The following RPL11 variants were observed in gnomAD, a reference collection of about 807,000 sequenced individuals.
RPL11 encodes ribosomal protein L11.
RPL11 carries 3 observed loss-of-function variants against 24.1 expected under a neutral mutation model. That is an observed-to-expected ratio of 0.12 (90% CI 0.06 to 0.32). The LOEUF (loss-of-function observed/expected upper bound fraction) is 0.32, where lower values mean the gene tolerates loss of function less well. Ranked by LOEUF, RPL11 falls within the 10% of genes least tolerant of loss-of-function variation. RPL11 has a pLI of 1.00. For missense variants in RPL11, 146 were observed against 225.7 expected (o/e 0.65, Z 2.26); for synonymous variants, 96 against 75.7 (o/e 1.27, Z -1.39).
Position 23,696,793 on chromosome 1 carries a change from G to T in RPL11, c.*420G>T. On this transcript the variant is annotated 3_prime_UTR_variant, in exon 6 of 6. Coordinates refer to ENST00000643754, the MANE Select transcript of RPL11 (RefSeq NM_000975.5). ...ATTGATGCGTCATGAAGGAATGACA[G>T]GCTTTGGTGTGATGGTTGAGATTAA... 1 of 253,814 alleles carries T rather than the reference G, an allele frequency of 3.9e-6. No homozygotes were observed. 15.7% of individuals were successfully genotyped at this position (253,814 alleles called of 1,614,324 possible).
chr1:23,693,188 G>A (rs1008536038), intron 2 of RPL11, among the ~76,000 whole-genome samples: 1 of 152,188 alleles, frequency 6.6e-6, no homozygotes, highest in African/African-American at 2.4e-5. Flanking sequence ...GTTGTATACA[G>A]ATTGCCTGGG....
chr1:23,693,437 G>GATA (rs1306191599), intron 2 of RPL11, among the ~76,000 whole-genome samples: 5 of 152,186 alleles, frequency 3.3e-5, no homozygotes, highest in African/African-American at 1.2e-4. Context: ...GTAAAATATG[G>GATA]ATAACAGTAC....
intron 4 of RPL11, chr1:23,695,096 A>C (rs565611409): frequency 2.3e-6 from 1 of 426,368 alleles, no homozygotes; most frequent in East Asian, 5.2e-5. Flanking sequence ...CTTTGGAGAG[A>C]GGCAGTATTG....
intron 3 of RPL11, among the ~76,000 whole-genome samples, chr1:23,694,309 T>G (rs1233763001): frequency 6.6e-6 from 1 of 151,408 alleles, no homozygotes; most frequent in Non-Finnish European, 1.5e-5. Context: ...ACCTGGGAGG[T>G]AGAGGTTGCA....
chr1:23,696,387 TC>T lies in RPL11; in HGVS notation c.*16del. 1.2e-6 allele frequency: 2 copies of T among 1,612,864 alleles called. No individual in the cohort carries two copies. The stretch of plus-strand genomic sequence containing the variant: ...CCTGGCAAATAAATTCCCGTTTCTA[TC>T]CAAAAGAGCAATAAAAAGTTTTCAG... On this transcript the variant is annotated 3_prime_UTR_variant, in exon 6 of 6. Transcript: ENST00000643754.
chr1:23,694,002 G>T (rs144167773), intron 3 of RPL11, 89 bp downstream of exon 3: 45 of 982,892 alleles, frequency 4.6e-5, no homozygotes, highest in Non-Finnish European at 6.6e-5. Flanking sequence ...CTGTTCTTTG[G>T]TGTCTTGATA....
In RPL11 at chr1:23,696,497, G is replaced by A. The variant is rs1324243959; in HGVS notation, c.*124G>A. On this transcript the variant is annotated 3_prime_UTR_variant, in exon 6 of 6. Coordinates refer to ENST00000643754, the MANE Select transcript of RPL11 (RefSeq NM_000975.5). ...TGGACCTCAAGCCACTTAAAGCTTC[G>A]ATGGGAGTAGCTGGTAACAACCCCG... 17 of 913,620 alleles carry A rather than the reference G, an allele frequency of 1.9e-5. No homozygotes were observed. The highest frequency in any genetic ancestry group is 3.0e-5 in the Non-Finnish European group (17 of 560,858). The allele number at this position is 913,620 out of a possible 1,614,324, so 56.6% of individuals were successfully genotyped here.
At chr1:23,694,112 A>T (rs1279051066) in intron 3 of RPL11, among the ~76,000 whole-genome samples, 199 bp downstream of exon 3, 2 of 152,098 alleles carry the variant, frequency 1.3e-5, no homozygotes, top group Non-Finnish European at 2.9e-5. Context: ...CGGTGGCTCA[A>T]CGCCTGTAAT....
intron 1 of RPL11, chr1:23,692,260 T>G (rs1644505164): frequency 2.4e-6 from 1 of 421,290 alleles, no homozygotes; most frequent in African/African-American, 2.0e-5. Flanking sequence ...GTGTTTCCTG[T>G]TAACTGAGCA....
intron 2 of RPL11, 135 bp downstream of exon 2, chr1:23,692,894 A>G: frequency 2.1e-6 from 2 of 960,944 alleles, no homozygotes; most frequent in South Asian, 1.6e-5. Flanking sequence ...GCCGGCCAAG[A>G]GGTGTCTTTT....
At chr1:23,694,854 T>A (rs969980799) in intron 4 of RPL11, 63 bp downstream of exon 4, 62 of 1,609,760 alleles carry the variant, frequency 3.9e-5, no homozygotes, top group Non-Finnish European at 5.0e-5. Context: ...TTATTTCATA[T>A]GTGGTATGTT....
chr1:23,693,728 T>C (rs1475592595), intron 2 of RPL11, 79 bp from the exon 3 acceptor site: 1 of 944,202 alleles, frequency 1.1e-6, no homozygotes, highest in Non-Finnish European at 1.7e-6. Flanking sequence ...CTTTAAGTCA[T>C]GGAGATGGTG....
Position 23,696,714 on chromosome 1 carries a change from C to T in RPL11, c.*341C>T, listed in dbSNP as rs1644534848. On this transcript the variant is annotated 3_prime_UTR_variant, in exon 6 of 6. Coordinates refer to ENST00000643754, the MANE Select transcript of RPL11 (RefSeq NM_000975.5). The stretch of plus-strand genomic sequence containing the variant: ...AGCAGGGTGCAGTGCTCCTGTGTTC[C>T]AGGAGGCCCCCTGCTATTCAGTGAT... 2 of 412,674 alleles carry T rather than the reference C, an allele frequency of 4.8e-6. No individual in the cohort carries two copies. Among genetic ancestry groups the T allele is most frequent in the Admixed American group, 7.5e-5 (2 of 26,582 alleles). 25.6% of individuals were successfully genotyped at this position (412,674 alleles called of 1,614,324 possible). A position where few individuals can be genotyped will look rare whatever the true frequency, so the allele number is the denominator to read the frequency against.
Position 23,692,600 on chromosome 1 carries a change from C to T in RPL11, c.7-9C>T, listed in dbSNP as rs558662093. On this transcript the variant is annotated splice_polypyrimidine_tract_variant and intron_variant, in intron 1 of 5. Coordinates refer to ENST00000643754, the MANE Select transcript of RPL11 (RefSeq NM_000975.5). Reference sequence around the variant, plus strand: ...TGAGTGTATTGACTGCTGCTCTTCCCTGTTGCAGCAGGATCAAGGTGAAAA... The same window carrying T: ...TGAGTGTATTGACTGCTGCTCTTCCTTGTTGCAGCAGGATCAAGGTGAAAA... 1.5e-5 allele frequency: 24 copies of T among 1,614,008 alleles called. No homozygotes were observed. Among genetic ancestry groups the T allele is most frequent in the Non-Finnish European group, 1.9e-5 (23 of 1,179,988 alleles).
chr1:23,692,189 T>G (rs1644504628), intron 1 of RPL11: 1 of 466,890 alleles, frequency 2.1e-6, no homozygotes, highest in Non-Finnish European at 3.9e-6. Context: ...GTTGCTCCGC[T>G]TAGGGAAGGT....
intron 3 of RPL11, 25 bp downstream of exon 3, chr1:23,693,938 G>C (rs777688214): frequency 3.9e-6 from 6 of 1,525,660 alleles, no homozygotes; most frequent in Non-Finnish European, 5.5e-6. Context: ...CTAATGGAGT[G>C]ATATTGATCA....
chr1:23,694,496 A>G (rs1041757728), intron 3 of RPL11, among the ~76,000 whole-genome samples, 164 bp from the exon 4 acceptor site: 3 of 152,010 alleles, frequency 2.0e-5, no homozygotes, highest in African/African-American at 7.2e-5. Flanking sequence ...GTGTGAATCT[A>G]TAGTCGAGGT....
In RPL11 at chr1:23,694,969, T is replaced by C. The variant is rs1464326645; in HGVS notation, c.396+178T>C. 3 of 903,004 alleles carry C rather than the reference T, an allele frequency of 3.3e-6. No individual in the cohort carries two copies. The Admixed American group carries it at 6.1e-5, about 18-fold the overall frequency. The allele number at this position is 903,004 out of a possible 1,614,324, so 55.9% of individuals were successfully genotyped here. On this transcript the variant is annotated intron_variant, in intron 4 of 5. Coordinates refer to ENST00000643754, the MANE Select transcript of RPL11 (RefSeq NM_000975.5). ...TGTGGCAAATGTAGGGGTGCAGCTC[T>C]GAACAAGGTGGACAAGATCCCTGCT...
At chr1:23,692,149 G>GGAAA (rs1644504266) in intron 1 of RPL11, 1 of 528,660 alleles carries the variant, frequency 1.9e-6, no homozygotes, top group African/African-American at 1.9e-5. Flanking sequence ...GGGGACTTGA[G>GGAAA]ACTTGCTCGG....
Sources: gnomAD v4.1 joint callset for allele counts (sites outside exome capture counted in the v4.1 genomes callset) on GRCh38, gnomAD v4.1.1 for gene constraint, MANE v1.5 for transcripts, NCBI Gene and HGNC (gene_info 2026-07-23, HGNC 2026-07-21) for gene names.